SMG6: variants seen among roughly 807,000 people sequenced by gnomAD.
SMG6 encodes SMG6 nonsense mediated mRNA decay factor, also known as telomerase-binding protein EST1A.
SMG6 carries 66 observed loss-of-function variants against 142.2 expected under a neutral mutation model. The observed-to-expected ratio is 0.46, with a 90% CI of 0.38 to 0.57. The LOEUF is 0.57. SMG6 is among the 20% of genes least tolerant of loss of function. The pLI, the probability that SMG6 is intolerant of heterozygous loss-of-function variation, is 0.00. For synonymous variants in SMG6, 779 were observed against 702.4 expected, an observed-to-expected ratio of 1.11 and a Z score of -1.72; for missense variants, 1,793 against 1,832.0, an observed-to-expected ratio of 0.98 and a Z score of 0.39.
chr17:2,098,494 G>C (rs2068918704), intron 13 of SMG6, among the ~76,000 whole-genome samples: 1 of 152,130 alleles, frequency 6.6e-6, no homozygotes, highest in African/African-American at 2.4e-5. Flanking sequence ...TTTTGGACCA[G>C]GGTAGGGTTT....
chr17:2,278,361 C>A (rs1186355836), intron 8 of SMG6, among the ~76,000 whole-genome samples: 1 of 151,980 alleles, frequency 6.6e-6, no homozygotes, highest in African/African-American at 2.4e-5. Flanking sequence ...CACCACTATG[C>A]CCAGGTAACT....
chr17:2,131,207 G>A (rs1269905172), intron 13 of SMG6, among the ~76,000 whole-genome samples: 2 of 152,142 alleles, frequency 1.3e-5, no homozygotes, highest in African/African-American at 2.4e-5. Context: ...TATAAAAGGA[G>A]AGACTAGAGA....
chr17:2,208,009 A>G (rs966654768), intron 10 of SMG6, among the ~76,000 whole-genome samples: 1 of 152,118 alleles, frequency 6.6e-6, no homozygotes, highest in Admixed American at 6.5e-5. Context: ...CATGCCTGTA[A>G]TCCAAGCACT....
chr17:2,092,288 G>A (rs564893882), intron 13 of SMG6, among the ~76,000 whole-genome samples: 20 of 152,270 alleles, frequency 1.3e-4, no homozygotes, highest in African/African-American at 4.8e-4. Context: ...ACCCTCCGTA[G>A]TCCTATGGTT....
At chr17:2,200,342 A>G (rs955093271) in intron 10 of SMG6, among the ~76,000 whole-genome samples, 2 of 152,090 alleles carry the variant, frequency 1.3e-5, no homozygotes, top group African/African-American at 4.8e-5. Context: ...AAAAACGTGA[A>G]TTTAAGCCCT....
At chr17:2,294,391 C>A (rs1045601857) in intron 4 of SMG6, among the ~76,000 whole-genome samples, 3 of 152,170 alleles carry the variant, frequency 2.0e-5, no homozygotes, top group African/African-American at 7.2e-5. Context: ...AAAACAAATT[C>A]TTTCAAAGGC....
chr17:2,289,018 G>A (rs1468786640), intron 6 of SMG6, among the ~76,000 whole-genome samples: 4 of 148,796 alleles, frequency 2.7e-5, no homozygotes, highest in Non-Finnish European at 3.0e-5. Context: ...GGTGGAGCTC[G>A]CAGTGAGCCG....
chr17:2,127,071 C>A (rs776514840), intron 13 of SMG6, among the ~76,000 whole-genome samples: 5 of 139,610 alleles, frequency 3.6e-5, no homozygotes, highest in African/African-American at 1.4e-4. Context: ...CTTGGGAGTT[C>A]GAGGCTGCAG....
intron 12 of SMG6, among the ~76,000 whole-genome samples, chr17:2,175,263 C>A (rs1337608643): frequency 6.6e-6 from 1 of 152,140 alleles, no homozygotes; most frequent in African/African-American, 2.4e-5. Flanking sequence ...GAAAAGTCTC[C>A]CAGCTGAATT....
At chr17:2,162,401 C>G (rs1435904522) in intron 13 of SMG6, among the ~76,000 whole-genome samples, 1 of 151,284 alleles carries the variant, frequency 6.6e-6, no homozygotes, top group African/African-American at 2.4e-5. Context: ...ATAGTCCCAG[C>G]TACTCGGGAG....
chr17:2,122,915 G>T (rs2069748819), intron 13 of SMG6, among the ~76,000 whole-genome samples: 1 of 152,232 alleles, frequency 6.6e-6, no homozygotes, highest in African/African-American at 2.4e-5. Context: ...TGCCACATGG[G>T]TAGGAAGCAG....
intron 13 of SMG6, among the ~76,000 whole-genome samples, chr17:2,102,098 GCCT>G (rs1249589405): frequency 3.3e-5 from 5 of 152,144 alleles, no homozygotes; most frequent in Admixed American, 6.5e-5. Flanking sequence ...CAGTGTCGTG[GCCT>G]CCTAACTTGT....
In SMG6 at chr17:2,236,578, T is replaced by C; in HGVS notation, c.2783A>G (p.Gln928Arg). ...ACTTCCAATGGGAGAGGGGCTGTGC[T>C]GCAGTAACACCTGGAACTCCTTGAG... The part of the protein sequence containing the change: ...KVLKEFQVLL[Q>R]HSPSPIGSTR... The change falls in exon 10 of 19, where the codon CAG (glutamine) becomes CGG (arginine). Residue 928 changes from glutamine to arginine, a missense_variant. By Grantham distance (43) the Gln-to-Arg change is conservative (BLOSUM62 1). This residue lies in a region of SMG6 where 1,597 missense variants were observed against 1,584.6 expected (regional missense o/e 1.01). Transcript: ENST00000263073. 1.2e-6 allele frequency: 2 copies of C among 1,613,854 alleles called. No homozygotes were observed. Among genetic ancestry groups the C allele is most frequent in the South Asian group, 1.1e-5 (1 of 91,002 alleles).
At chr17:2,093,211 T>C (rs1316055697) in intron 13 of SMG6, among the ~76,000 whole-genome samples, 1 of 146,992 alleles carries the variant, frequency 6.8e-6, no homozygotes, top group East Asian at 2.0e-4. Context: ...AAAAAAAAGA[T>C]AAGACAAGCC....
At chr17:2,298,883 A>T in intron 2 of SMG6, 23 bp downstream of exon 2, 1 of 1,595,924 alleles carries the variant, frequency 6.3e-7, no homozygotes, top group Non-Finnish European at 8.5e-7. Flanking sequence ...ATTTCCCTCC[A>T]GCCAGAATAG....
At chr17:2,215,582 C>A (rs2072991985) in intron 10 of SMG6, 2 of 152,120 alleles carry the variant, frequency 1.3e-5, no homozygotes, top group Admixed American at 1.3e-4. Context: ...CTGATGTCAA[C>A]TGCATCAACA....
At chr17:2,232,843 C>CT (rs2073537923) in intron 10 of SMG6, 1 of 152,156 alleles carries the variant, frequency 6.6e-6, no homozygotes, top group Non-Finnish European at 1.5e-5. Context: ...ACATCCTCTG[C>CT]CTCCAAGAGC....
chr17:2,251,153 G>C (rs925775833), intron 8 of SMG6, among the ~76,000 whole-genome samples: 1 of 151,884 alleles, frequency 6.6e-6, no homozygotes, highest in Non-Finnish European at 1.5e-5. Context: ...AATGAGGGAA[G>C]GGGGGCCTGG....
chr17:2,087,970 T>C (rs958519883), intron 13 of SMG6: 1 of 985,680 alleles, frequency 1.0e-6, no homozygotes, highest in African/African-American at 1.7e-5. Context: ...GAGAATTATG[T>C]AATGGGTCCA....
Sources: gnomAD v4.1 joint callset for allele counts (sites outside exome capture counted in the v4.1 genomes callset) on GRCh38, gnomAD v4.1.1 for gene constraint, gnomAD v4.1.1 regional missense constraint, MANE v1.5 for transcripts, NCBI Gene and HGNC (gene_info 2026-07-23, HGNC 2026-07-21) for gene names.